MYEF2: variants seen among roughly 807,000 people sequenced by gnomAD.
The protein encoded by MYEF2 is myelin expression factor 2.
A neutral mutation model predicts 75.2 loss-of-function variants in MYEF2; 37 were observed. That is an observed-to-expected ratio of 0.49 (90% CI 0.38 to 0.65). MYEF2 has a LOEUF of 0.65. MYEF2 is among the 30% of genes least tolerant of loss of function. The probability of loss-of-function intolerance (pLI) is 0.00; values close to 1 mark genes in which losing one functional copy is unlikely to be tolerated. For synonymous variants in MYEF2, 195 were observed against 241.6 expected (o/e 0.81, Z 1.79); for missense variants, 634 against 771.4 (o/e 0.82, Z 2.11).
chr15:48,141,909 C>A lies in MYEF2; in HGVS notation c.*999G>T. The A allele has an allele frequency of 1.4e-6, 1 of 724,444 alleles. No individual in the cohort carries two copies. Among genetic ancestry groups the A allele is most frequent in the Non-Finnish European group, 2.1e-6 (1 of 466,850 alleles). 44.9% of individuals were successfully genotyped at this position (724,444 alleles called of 1,614,324 possible). ...AAATTCAGTAAGACTTTTGCTCTAA[C>A]AACAATTTTTCAAAACGAATCAACA... On this transcript the variant is annotated 3_prime_UTR_variant, in exon 17 of 17. Coordinates refer to ENST00000324324, the MANE Select transcript of MYEF2 (RefSeq NM_016132.5).
intron 9 of MYEF2, chr15:48,157,676 A>G: frequency 2.3e-6 from 2 of 877,048 alleles, no homozygotes; most frequent in Non-Finnish European, 2.8e-6. Flanking sequence ...AAAATACACA[A>G]AAATGTTATA....
rs1676556775 is a variant in MYEF2 at position 48,135,818 on chromosome 15, A to T, written c.*7090T>A. 1 of 152,158 alleles carries T rather than the reference A, an allele frequency of 6.6e-6. No individual in the cohort carries two copies. The highest frequency in any genetic ancestry group is 2.1e-4 in the South Asian group (1 of 4,828). The allele number at this position is 152,158 out of a possible 1,614,324, so 9.4% of individuals were successfully genotyped here. A position where few individuals can be genotyped will look rare whatever the true frequency, so the allele number is the denominator to read the frequency against. ...ACCTAGCCAGAAGCATAATTTCTAA[A>T]CTAATCATCCTGTCCTCTAGTCCGT... On this transcript the variant is annotated 3_prime_UTR_variant, in exon 17 of 17. Transcript: ENST00000324324.
At position 48,168,800 on chromosome 15, in the gene MYEF2, T is replaced by C; in HGVS notation, c.201A>G (p.Leu67=). 1 of 1,613,582 alleles carries C rather than the reference T, an allele frequency of 6.2e-7. No individual in the cohort carries two copies. Among genetic ancestry groups the C allele is most frequent in the Non-Finnish European group, 8.5e-7 (1 of 1,179,716 alleles). ...DESAKEEKSD[L]KEKSTGSKKA... ...TCTTACTTCCTGTAGATTTTTCCTTTAAGTCAGATTTCTCTTCTTTTGCTG... is the reference window on the plus strand; with the variant it reads ...TCTTACTTCCTGTAGATTTTTCCTTCAAGTCAGATTTCTCTTCTTTTGCTG... Residue 67 remains leucine (L), a synonymous_variant, in exon 2 of 17, where the codon TTA becomes TTG. Transcript: ENST00000324324.
In MYEF2 at chr15:48,156,808, T is replaced by A. The variant is rs1446518460; in HGVS notation, c.985+1185A>T. ...AAAAAAAGCAAGTTACATAATACAT[T>A]ATGATATCACTCAAACAAAATTTTA... is the stretch of plus-strand genomic sequence containing the variant. On this transcript the variant is annotated intron_variant, in intron 9 of 16. Transcript: ENST00000324324. Among the ~76,000 whole-genome samples, 3 of 152,014 alleles carry A rather than the reference T, an allele frequency of 2.0e-5. No homozygotes were observed. The East Asian group carries it at 5.8e-4, about 29-fold the overall frequency.
At position 48,134,823 on chromosome 15, in the gene MYEF2, A is replaced by G; in HGVS notation, c.*8085T>C. On this transcript the variant is annotated 3_prime_UTR_variant, in exon 17 of 17. Coordinates refer to ENST00000324324, the MANE Select transcript of MYEF2 (RefSeq NM_016132.5). ...AATATATAAACAATTTTAGTATTATACTAAGGATTGTACTTGAAGAAGTTA... is the reference window on the plus strand; with the variant it reads ...AATATATAAACAATTTTAGTATTATGCTAAGGATTGTACTTGAAGAAGTTA... The G allele has an allele frequency of 4.8e-6, 6 of 1,256,748 alleles. No homozygotes were observed. The South Asian group carries it at 7.9e-5, about 16-fold the overall frequency. The allele number at this position is 1,256,748 out of a possible 1,614,324, so 77.8% of individuals were successfully genotyped here.
Position 48,141,422 on chromosome 15 carries a change from C to A in MYEF2, c.*1486G>T. 2.9e-6 allele frequency: 1 copy of A among 350,250 alleles called. No homozygotes were observed. Among genetic ancestry groups the A allele is most frequent in the Non-Finnish European group, 5.4e-6 (1 of 186,392 alleles). The allele number at this position is 350,250 out of a possible 1,614,324, so 21.7% of individuals were successfully genotyped here. A position where few individuals can be genotyped will look rare whatever the true frequency, so the allele number is the denominator to read the frequency against. On this transcript the variant is annotated 3_prime_UTR_variant, in exon 17 of 17. Transcript: ENST00000324324. ...TGAAACCCAGTCTCTACTAAAAATACAAAAATTAGCCGGGCGTGGTGGCAT... is the reference window on the plus strand; with the variant it reads ...TGAAACCCAGTCTCTACTAAAAATAAAAAAATTAGCCGGGCGTGGTGGCAT...
intron 11 of MYEF2, 129 bp from the exon 12 acceptor site, chr15:48,152,071 T>A (rs1439819495): frequency 8.7e-7 from 1 of 1,146,044 alleles, no homozygotes; most frequent in African/African-American, 1.5e-5. Flanking sequence ...TCTTAACACA[T>A]CACCTTCCTT....
chr15:48,151,179 A>C lies in MYEF2; in HGVS notation c.1307-8T>G, dbSNP rs903449556. On this transcript the variant is annotated splice_region_variant and splice_polypyrimidine_tract_variant and intron_variant, in intron 13 of 16. Transcript: ENST00000324324. ...CTCCAATCATTGCACTGCCTAAACAAGGATGGAAAGATAATATACTAATTA... is the reference window on the plus strand; with the variant it reads ...CTCCAATCATTGCACTGCCTAAACACGGATGGAAAGATAATATACTAATTA... 3 of 1,601,582 alleles carry C rather than the reference A, an allele frequency of 1.9e-6. No homozygotes were observed. In the African/African-American group the frequency reaches 4.0e-5, roughly 22 times the overall value.
At chr15:48,158,656 T>C (rs113943123) in intron 7 of MYEF2, 113 bp downstream of exon 7, 1 of 1,275,510 alleles carries the variant, frequency 7.8e-7, no homozygotes, top group South Asian at 1.4e-5. Context: ...GACTAAAGTC[T>C]AACACACATC....
In MYEF2 at chr15:48,139,127, T is replaced by C. The variant is rs1457799705; in HGVS notation, c.*3781A>G. 3.1e-6 allele frequency: 5 copies of C among 1,613,108 alleles called. No individual in the cohort carries two copies. Among genetic ancestry groups the C allele is most frequent in the Admixed American group, 1.7e-5 (1 of 60,000 alleles). ...GATAACCTTTTTCATGTCTGCAATATGGATATCCGCATTTACATATATCCT... is the reference window on the plus strand; with the variant it reads ...GATAACCTTTTTCATGTCTGCAATACGGATATCCGCATTTACATATATCCT... On this transcript the variant is annotated 3_prime_UTR_variant, in exon 17 of 17. Coordinates refer to ENST00000324324, the MANE Select transcript of MYEF2 (RefSeq NM_016132.5).
chr15:48,147,016 C>T (rs1431298620), intron 16 of MYEF2, among the ~76,000 whole-genome samples: 1 of 151,180 alleles, frequency 6.6e-6, no homozygotes, highest in Non-Finnish European at 1.5e-5. Flanking sequence ...GAAACTTTTA[C>T]AAAAGAATTG....
Position 48,149,280 on chromosome 15 carries a change from A to G in MYEF2, c.1470T>C (p.Gly490=), listed in dbSNP as rs2039402988. The G allele has an allele frequency of 6.2e-7, 1 of 1,613,104 alleles. No individual in the cohort carries two copies. Among genetic ancestry groups the G allele is most frequent in the Non-Finnish European group, 8.5e-7 (1 of 1,179,486 alleles). The change falls in exon 15 of 17, where the codon GGT becomes GGC. Residue 490 remains glycine (G), a synonymous_variant. Transcript: ENST00000324324. The surrounding 1 kb of genome is among the most constrained non-coding windows in gnomAD (Gnocchi z 4.0). ...MSSSFDRMGP[G]IGAILERSID... is the part of the protein sequence containing the mutation. ...TGCTCCTTTCCAGTATAGCTCCTATACCTGGTCCCATTCTATCAAAGCTGG... is the reference window on the plus strand; with the variant it reads ...TGCTCCTTTCCAGTATAGCTCCTATGCCTGGTCCCATTCTATCAAAGCTGG...
chr15:48,151,973 A>G, intron 11 of MYEF2, 31 bp from the exon 12 acceptor site: 2 of 1,598,876 alleles, frequency 1.3e-6, no homozygotes, highest in Non-Finnish European at 1.7e-6. Flanking sequence ...TTGAGATCCA[A>G]CTGTCAGTCA....
intron 16 of MYEF2, among the ~76,000 whole-genome samples, chr15:48,146,374 A>C (rs950672693): frequency 2.6e-5 from 4 of 151,912 alleles, no homozygotes; most frequent in Non-Finnish European, 5.9e-5. Flanking sequence ...TGGGGTCAAA[A>C]ATGTTACCTT....
At chr15:48,152,026 T>A in intron 11 of MYEF2, 84 bp from the exon 12 acceptor site, 2 of 1,384,354 alleles carry the variant, frequency 1.4e-6, no homozygotes, top group Non-Finnish European at 1.0e-6. Context: ...ATCTCACCAG[T>A]AAGCTCTTCA....
intron 6 of MYEF2, 115 bp from the exon 7 acceptor site, chr15:48,159,037 C>T: frequency 1.2e-6 from 1 of 849,814 alleles, no homozygotes; most frequent in East Asian, 2.7e-5. Context: ...TCTAGTTCAA[C>T]AATATATTGA....
Position 48,136,653 on chromosome 15 carries a change from A to T in MYEF2, c.*6255T>A. 6.4e-7 allele frequency: 1 copy of T among 1,563,286 alleles called. No individual in the cohort carries two copies. The highest frequency in any genetic ancestry group is 1.2e-5 in the South Asian group (1 of 82,394). ...CAACTCTAAAATGACTTTCACTTTT[A>T]ATTTAAAAACACAAATTTCTCTTTT... On this transcript the variant is annotated 3_prime_UTR_variant, in exon 17 of 17. Coordinates refer to ENST00000324324, the MANE Select transcript of MYEF2 (RefSeq NM_016132.5).
chr15:48,151,567 C>G lies in MYEF2; in HGVS notation c.1212G>C (p.Leu404=). The change falls in exon 13 of 17, where the codon CTG becomes CTC. Residue 404 remains leucine (L), a synonymous_variant. Transcript: ENST00000324324. ...TGCTACTAGTCATCGCACCACGGTA[C>G]AGCTCTGAAAAAATTGTGCAACAAA... ...GFGGVGRMGE[L]YRGAMTSSME... is the part of the protein sequence containing the mutation. 1 of 1,604,384 alleles carries G rather than the reference C, an allele frequency of 6.2e-7. No individual in the cohort carries two copies. Among genetic ancestry groups the G allele is most frequent in the East Asian group, 2.2e-5 (1 of 44,830 alleles).
At position 48,165,943 on chromosome 15, in the gene MYEF2, T is replaced by C. The variant is rs2040117104; in HGVS notation, c.515A>G (p.Asn172Ser). Residue 172 changes from asparagine (N) to serine (S), a missense_variant, in exon 5 of 17, where the codon AAT (asparagine) becomes AGT (serine). Coordinates refer to ENST00000324324, the MANE Select transcript of MYEF2 (RefSeq NM_016132.5). ...NKYDLSGRPL[N>S]IKEDPDGENA... ...TATGAGAAATCTTACCTCTTTAATA[T>C]TAAGGGGTCTTCCACTAAGATCATA... The C allele has an allele frequency of 1.3e-6, 2 of 1,548,918 alleles. No homozygotes were observed. The highest frequency in any genetic ancestry group is 1.8e-6 in the Non-Finnish European group (2 of 1,135,670).
Sources: gnomAD v4.1 joint callset for allele counts (sites outside exome capture counted in the v4.1 genomes callset) on GRCh38, gnomAD v4.1.1 for gene constraint, Gnocchi (gnomAD v3.1) non-coding constraint, MANE v1.5 for transcripts, NCBI Gene and HGNC (gene_info 2026-07-23, HGNC 2026-07-21) for gene names.